VPS13A: variants seen among roughly 807,000 people sequenced by gnomAD.
VPS13A encodes the protein intermembrane lipid transfer protein VPS13A.
Under a neutral mutation model 390.9 loss-of-function variants are expected in VPS13A, and 264 were observed. The ratio of observed to expected loss-of-function variants is 0.68; its 90% CI spans 0.61 to 0.75. The LOEUF (loss-of-function observed/expected upper bound fraction) is 0.75. Ranked by LOEUF, VPS13A falls within the 30% of genes least tolerant of loss-of-function variation. The pLI, the probability that VPS13A is intolerant of heterozygous loss-of-function variation, is 0.00. For synonymous variants in VPS13A, 1,231 were observed against 1,227.1 expected (o/e 1.00, Z -0.07); for missense variants, 3,409 against 3,733.9 (o/e 0.91, Z 2.27).
At chr9:77,373,614 A>G (rs886152358) in intron 67 of VPS13A, among the ~76,000 whole-genome samples, 7 of 150,880 alleles carry the variant, frequency 4.6e-5, no homozygotes, top group East Asian at 3.9e-4. Flanking sequence ...AACAATGGCA[A>G]CAAAAGCCAA....
intron 69 of VPS13A, among the ~76,000 whole-genome samples, chr9:77,403,771 T>A (rs549060792): frequency 5.3e-4 from 81 of 152,134 alleles, no homozygotes; most frequent in African/African-American, 1.9e-3. Context: ...AAGTAGACAG[T>A]GGAGGGGTAC....
chr9:77,357,048 A>G (rs1192514144), intron 55 of VPS13A, among the ~76,000 whole-genome samples, 181 bp downstream of exon 55: 1 of 152,070 alleles, frequency 6.6e-6, no homozygotes, highest in African/African-American at 2.4e-5. Flanking sequence ...GGCTGGGCGC[A>G]GTGGTTCACA....
At chr9:77,195,428 G>C (rs544208155) in intron 1 of VPS13A, among the ~76,000 whole-genome samples, 2 of 151,264 alleles carry the variant, frequency 1.3e-5, no homozygotes, top group East Asian at 2.0e-4. Flanking sequence ...CCAACCTATT[G>C]ATCTTTTTAG....
intron 31 of VPS13A, among the ~76,000 whole-genome samples, chr9:77,286,408 A>G (rs1782538845): frequency 6.6e-6 from 1 of 152,220 alleles, no homozygotes; most frequent in Non-Finnish European, 1.5e-5. Context: ...TTATGCTGGT[A>G]TCACCAATCA....
At chr9:77,356,462 C>T (rs564842789) in intron 54 of VPS13A, among the ~76,000 whole-genome samples, 1 of 152,144 alleles carries the variant, frequency 6.6e-6, no homozygotes, top group East Asian at 1.9e-4. Context: ...TTTCACTCCC[C>T]CACTAAAATG....
chr9:77,262,161 T>C (rs971405171), intron 23 of VPS13A, among the ~76,000 whole-genome samples: 2 of 152,160 alleles, frequency 1.3e-5, no homozygotes, highest in African/African-American at 4.8e-5. Context: ...TTTCCTCATT[T>C]TATTGTTTGG....
At chr9:77,311,047 C>T (rs1829045074) in intron 35 of VPS13A, among the ~76,000 whole-genome samples, 1 of 152,024 alleles carries the variant, frequency 6.6e-6, no homozygotes, top group African/African-American at 2.4e-5. Context: ...GCCTCAGCCT[C>T]CTGAGTAGCT....
chr9:77,380,373 C>T (rs1833360407), intron 67 of VPS13A, among the ~76,000 whole-genome samples: 1 of 152,032 alleles, frequency 6.6e-6, no homozygotes, highest in South Asian at 2.1e-4. Context: ...AGTGCAGTGG[C>T]ATGATCTCGG....
chr9:77,247,676 T>C (rs1039285223), intron 20 of VPS13A, among the ~76,000 whole-genome samples: 1 of 152,158 alleles, frequency 6.6e-6, no homozygotes, highest in African/African-American at 2.4e-5. Flanking sequence ...GACTGATTGA[T>C]TTGAGACAGA....
At chr9:77,270,003 G>T (rs768493095) in intron 23 of VPS13A, among the ~76,000 whole-genome samples, 30 of 152,220 alleles carry the variant, frequency 2.0e-4, no homozygotes, top group Non-Finnish European at 3.4e-4. Flanking sequence ...TCATCTGCAA[G>T]TTAACGATAG....
chr9:77,413,883 A>C (rs146573576), intron 71 of VPS13A, among the ~76,000 whole-genome samples: 8,915 of 152,286 alleles, frequency 0.059, 378 homozygotes, highest in South Asian at 0.12. Flanking sequence ...CAATGAACTC[A>C]AACAAATCTA....
intron 5 of VPS13A, among the ~76,000 whole-genome samples, chr9:77,206,329 T>TTTTATA (rs1554859697): frequency 6.8e-6 from 1 of 146,580 alleles, no homozygotes; most frequent in Non-Finnish European, 1.5e-5. Context: ...TACATATTTT[T>TTTTATA]TATATATATA....
Position 77,368,115 on chromosome 9 carries a change from C to A in VPS13A, c.8532C>A (p.Val2844=). ...CAACATCCGATCTACAGTCTGAAGT[C>A]ATAAGACACTATTCAAAACAGGTTT... ...FHTTSDLQSE[V]IRHYSKQAIK... is the part of the protein sequence containing the mutation. The change falls in exon 62 of 72, where the codon GTC becomes GTA. Residue 2844 remains valine, a synonymous_variant. Transcript: ENST00000360280. 1 of 1,612,088 alleles carries A rather than the reference C, an allele frequency of 6.2e-7. No homozygotes were observed. The highest frequency in any genetic ancestry group is 1.1e-5 in the South Asian group (1 of 90,830).
chr9:77,413,027 C>T (rs1433158870), intron 71 of VPS13A, among the ~76,000 whole-genome samples: 2 of 152,150 alleles, frequency 1.3e-5, no homozygotes, highest in Non-Finnish European at 2.9e-5. Context: ...ACATAGGAAT[C>T]CAACTTACAA....
intron 32 of VPS13A, among the ~76,000 whole-genome samples, chr9:77,295,260 G>T (rs1241811279): frequency 6.6e-6 from 1 of 152,038 alleles, no homozygotes; most frequent in East Asian, 1.9e-4. Flanking sequence ...TTTCATTAGG[G>T]AAAGTGAGAT....
chr9:77,210,687 A>G lies in VPS13A; in HGVS notation c.555+12A>G, dbSNP rs756128729. The G allele has an allele frequency of 6.2e-7, 1 of 1,612,656 alleles. No individual in the cohort carries two copies. Among genetic ancestry groups the G allele is most frequent in the Non-Finnish European group, 8.5e-7 (1 of 1,179,024 alleles). ...ATCTGAGCATGCAGGTATTTTGTTT[A>G]TAAAAGAATCTTAACCATATTTAAT... is the stretch of plus-strand genomic sequence containing the variant. On this transcript the variant is annotated intron_variant, in intron 7 of 71. Coordinates refer to ENST00000360280, the MANE Select transcript of VPS13A (RefSeq NM_033305.3).
chr9:77,226,621 C>A, intron 15 of VPS13A, 23 bp downstream of exon 15: 1 of 1,606,562 alleles, frequency 6.2e-7, no homozygotes, highest in South Asian at 1.1e-5. Context: ...CATTTTACAG[C>A]ATAGTTAATC....
At position 77,315,398 on chromosome 9, in the gene VPS13A, G is replaced by A; in HGVS notation, c.4558G>A (p.Val1520Ile). 1 of 1,613,958 alleles carries A rather than the reference G, an allele frequency of 6.2e-7. No homozygotes were observed. The highest frequency in any genetic ancestry group is 8.5e-7 in the Non-Finnish European group (1 of 1,179,860). The change falls in exon 38 of 72, where the codon GTC (valine) becomes ATC (isoleucine). Residue 1520 changes from valine (V) to isoleucine (I), a missense_variant. Transcript: ENST00000360280. ...SVEFLQTVAN[V>I]FLEAYTTGTA... ...AGAATTTCTGCAGACTGTTGCAAATGTCTTTCTTGAGGCCTACACCACAGG... is the reference window on the plus strand; with the variant it reads ...AGAATTTCTGCAGACTGTTGCAAATATCTTTCTTGAGGCCTACACCACAGG...
chr9:77,386,910 T>C (rs1009349733), intron 68 of VPS13A, among the ~76,000 whole-genome samples: 1 of 152,036 alleles, frequency 6.6e-6, no homozygotes, highest in African/African-American at 2.4e-5. Context: ...GGTTTCACCG[T>C]GTTAGCCAGG....
Sources: allele counts gnomAD v4.1 joint callset (sites outside exome capture counted in the v4.1 genomes callset), GRCh38; gene constraint gnomAD v4.1.1; transcripts MANE v1.5; gene names NCBI Gene and HGNC (gene_info 2026-07-23, HGNC 2026-07-21).